Variants in ITGAX observed in about 807,000 individuals in gnomAD.
ITGAX encodes integrin alpha-X.
A neutral mutation model predicts 140.2 loss-of-function variants in ITGAX; 99 were observed. The observed-to-expected ratio is 0.71, with a 90% confidence interval of 0.60 to 0.83. The LOEUF (loss-of-function observed/expected upper bound fraction) is 0.83. Ranked by LOEUF, ITGAX falls within the 40% of genes least tolerant of loss-of-function variation. The pLI, the probability that ITGAX is intolerant of heterozygous loss-of-function variation, is 0.00. For missense variants in ITGAX, 1,444 were observed against 1,482.0 expected (o/e 0.97, Z 0.42); for synonymous variants, 631 against 600.4 (o/e 1.05, Z -0.75).
intron 17 of ITGAX, among the ~76,000 whole-genome samples, 175 bp from the exon 18 acceptor site, chr16:31,372,203 A>C (rs1377426039): frequency 1.3e-5 from 2 of 150,780 alleles, no homozygotes; most frequent in African/African-American, 4.9e-5. Flanking sequence ...AAACAAGGGG[A>C]GAGAACAGAG....
intron 16 of ITGAX, 61 bp from the exon 17 acceptor site, chr16:31,371,569 C>T (rs535714504): frequency 2.0e-5 from 32 of 1,610,998 alleles, no homozygotes; most frequent in Non-Finnish European, 2.6e-5. Context: ...CTGTCTCCCA[C>T]CCTGCTCATT....
chr16:31,355,336 A>G (rs777444319), intron 1 of ITGAX, 45 bp downstream of exon 1: 21 of 1,606,444 alleles, frequency 1.3e-5, no homozygotes, highest in Middle Eastern at 1.6e-4. Context: ...CCCAGGCCCA[A>G]GGGAGCCAGG....
At chr16:31,369,754 TTTG>T (rs1337074518) in intron 14 of ITGAX, among the ~76,000 whole-genome samples, 6 of 152,172 alleles carry the variant, frequency 3.9e-5, no homozygotes, top group Non-Finnish European at 7.3e-5. Flanking sequence ...CTCTTTTTAT[TTTG>T]TTATTATTCC....
chr16:31,377,956 A>G (rs1474673082), intron 23 of ITGAX, among the ~76,000 whole-genome samples: 1 of 152,192 alleles, frequency 6.6e-6, no homozygotes, highest in African/African-American at 2.4e-5. Context: ...GCTTCAGAGT[A>G]GGCGTGGTGG....
chr16:31,356,094 C>G (rs1398023816), intron 2 of ITGAX, 96 bp downstream of exon 2: 1 of 849,516 alleles, frequency 1.2e-6, no homozygotes, highest in African/African-American at 1.7e-5. Context: ...GCAAACTCTC[C>G]TCTCTGTCTG....
At chr16:31,355,800 G>T in intron 1 of ITGAX, 93 bp from the exon 2 acceptor site, 1 of 944,016 alleles carries the variant, frequency 1.1e-6, no homozygotes, top group Non-Finnish European at 1.7e-6. Context: ...CATCAGGCTC[G>T]GAGGGGAGAT....
At chr16:31,362,817 G>C in intron 12 of ITGAX, 64 bp downstream of exon 12, 1 of 1,608,684 alleles carries the variant, frequency 6.2e-7, no homozygotes, top group Non-Finnish European at 8.5e-7. Flanking sequence ...GCAGAGGAGA[G>C]GATGGAGGGG....
chr16:31,362,684 C>T lies in ITGAX; in HGVS notation c.1290C>T (p.Thr430=), dbSNP rs766089070. The T allele has an allele frequency of 2.7e-5, 44 of 1,613,652 alleles. No homozygotes were observed. The highest frequency in any genetic ancestry group is 4.5e-5 in the East Asian group (2 of 44,856). ...TGGGGGCCCCCCGCTACCAGCACAC[C>T]GGGAAGGCTGTCATCTTCACCCAGG... is the stretch of plus-strand genomic sequence containing the variant. ...LVLGAPRYQH[T]GKAVIFTQVS... Residue 430 remains threonine (T), a synonymous_variant, in exon 12 of 30, where the codon ACC becomes ACT. Coordinates refer to ENST00000268296, the MANE Select transcript of ITGAX (RefSeq NM_000887.5).
At position 31,357,106 on chromosome 16, in the gene ITGAX, G is replaced by A. The variant is rs1174070794; in HGVS notation, c.318+5G>A. The A allele has an allele frequency of 1.9e-6, 3 of 1,601,132 alleles. No individual in the cohort carries two copies. Among genetic ancestry groups the A allele is most frequent in the African/African-American group, 1.4e-5 (1 of 74,048 alleles). ...ACCAGCCCTTCCCAGCTGCTGGTGA[G>A]TGGCCCTGGGTCACAGGAGGCTTCT... is the stretch of plus-strand genomic sequence containing the variant. On this transcript the variant is annotated splice_donor_5th_base_variant and intron_variant, in intron 4 of 29. Coordinates refer to ENST00000268296, the MANE Select transcript of ITGAX (RefSeq NM_000887.5).
chr16:31,382,072 T>C lies in ITGAX; in HGVS notation c.*165T>C. 7.0e-7 allele frequency: 1 copy of C among 1,436,682 alleles called. No homozygotes were observed. Among genetic ancestry groups the C allele is most frequent in the East Asian group, 2.5e-5 (1 of 40,018 alleles). The allele number at this position is 1,436,682 out of a possible 1,614,324, so 89.0% of individuals were successfully genotyped here. A position where few individuals can be genotyped will look rare whatever the true frequency, so the allele number is the denominator to read the frequency against. The stretch of plus-strand genomic sequence containing the variant: ...CGTCTTGCTTGGGAAGGGGCCTTTG[T>C]CTTGTCAAGGTTCCAACTGGAAACC... On this transcript the variant is annotated 3_prime_UTR_variant, in exon 30 of 30. Transcript: ENST00000268296.
intron 26 of ITGAX, 100 bp from the exon 27 acceptor site, chr16:31,380,166 G>T (rs1261916080): frequency 4.6e-6 from 7 of 1,520,558 alleles, no homozygotes; most frequent in Middle Eastern, 1.7e-4. Context: ...GTACCCTCTT[G>T]CATTCGGATA....
intron 7 of ITGAX, 94 bp from the exon 8 acceptor site, chr16:31,360,216 C>T (rs947446381): frequency 6.6e-7 from 1 of 1,518,766 alleles, no homozygotes; most frequent in Non-Finnish European, 8.9e-7. Flanking sequence ...ACTGGGGCCT[C>T]CCAAAGGAAA....
In ITGAX at chr16:31,373,245, C is replaced by A. The variant is rs749734265; in HGVS notation, c.2367-4C>A. On this transcript the variant is annotated splice_region_variant and splice_polypyrimidine_tract_variant and intron_variant, in intron 19 of 29. Coordinates refer to ENST00000268296, the MANE Select transcript of ITGAX (RefSeq NM_000887.5). ...TCTTCTCCTTTCCTTCACCTGATAC[C>A]CAGCTTGAAGTCCCTGCTGGTGGGG... 3 of 1,609,326 alleles carry A rather than the reference C, an allele frequency of 1.9e-6. No homozygotes were observed. Among genetic ancestry groups the A allele is most frequent in the South Asian group, 2.2e-5 (2 of 90,468 alleles).
At chr16:31,359,059 A>G (rs1173124051) in intron 5 of ITGAX, among the ~76,000 whole-genome samples, 2 of 152,066 alleles carry the variant, frequency 1.3e-5, no homozygotes, top group Non-Finnish European at 2.9e-5. Context: ...GGCTCAAGCA[A>G]TTCTCCTGCC....
chr16:31,371,989 C>T (rs2080968674), intron 17 of ITGAX, among the ~76,000 whole-genome samples: 1 of 152,102 alleles, frequency 6.6e-6, no homozygotes, highest in Non-Finnish European at 1.5e-5. Context: ...AGGGGCCACA[C>T]GATTGGATTT....
intron 8 of ITGAX, 84 bp downstream of exon 8, chr16:31,360,547 A>C: frequency 7.6e-7 from 1 of 1,308,742 alleles, no homozygotes; most frequent in Non-Finnish European, 1.1e-6. Flanking sequence ...TTTCTCTTTG[A>C]GACAGGGTCT....
rs2080778240 is a variant in ITGAX, at chr16:31,357,633, A to G, written c.430+269A>G. On this transcript the variant is annotated intron_variant, in intron 5 of 29. Coordinates refer to ENST00000268296, the MANE Select transcript of ITGAX (RefSeq NM_000887.5). ...AATAACACACCCAGCACTGAAAGCA[A>G]CACAGGATGATTCATGGCCAGGGGT... The G allele has an allele frequency of 8.2e-6, 4 of 490,400 alleles. No homozygotes were observed. The South Asian group carries it at 1.1e-4, about 14-fold the overall frequency. The allele number at this position is 490,400 out of a possible 1,614,324, so 30.4% of individuals were successfully genotyped here. A position where few individuals can be genotyped will look rare whatever the true frequency, so the allele number is the denominator to read the frequency against.
chr16:31,370,983 T>C, intron 14 of ITGAX, 101 bp from the exon 15 acceptor site: 8 of 1,477,372 alleles, frequency 5.4e-6, no homozygotes, highest in Non-Finnish European at 7.5e-6. Context: ...TCACCCCTTC[T>C]CTCCCTTTCC....
At chr16:31,357,830 T>G (rs999315632) in intron 5 of ITGAX, 1 of 373,886 alleles carries the variant, frequency 2.7e-6, no homozygotes, top group African/African-American at 2.1e-5. Flanking sequence ...TGTGTGTACA[T>G]GTGTGTATAT....
Sources: allele counts gnomAD v4.1 joint callset (sites outside exome capture counted in the v4.1 genomes callset), GRCh38; gene constraint gnomAD v4.1.1; transcripts MANE v1.5; gene names NCBI Gene and HGNC (gene_info 2026-07-23, HGNC 2026-07-21).